WAC: variants seen among roughly 807,000 people sequenced by gnomAD.
The protein encoded by WAC is WW domain-containing adapter protein with coiled-coil.
A neutral mutation model predicts 79.6 loss-of-function variants in WAC; 11 were observed. The observed-to-expected ratio is 0.14, with a 90% CI of 0.09 to 0.23. WAC has a LOEUF of 0.23. WAC is among the 10% of genes least tolerant of loss of function. The probability of loss-of-function intolerance (pLI) is 1.00; values close to 1 mark genes in which losing one functional copy is unlikely to be tolerated. For missense variants in WAC, 728 were observed against 773.5 expected (o/e 0.94, Z 0.70); for synonymous variants, 304 against 276.9 (o/e 1.10, Z -0.97).
chr10:28,551,394 AT>A (rs1332659079), intron 3 of WAC, among the ~76,000 whole-genome samples: 19 of 152,346 alleles, frequency 1.2e-4, no homozygotes, highest in Admixed American at 7.2e-4. Flanking sequence ...GAGCTTGTGC[AT>A]TTTGACAGTA....
At chr10:28,533,648 G>A (rs1836408877) in intron 1 of WAC, 28 bp downstream of exon 1, 3 of 1,595,564 alleles carry the variant, frequency 1.9e-6, no homozygotes, top group Non-Finnish European at 2.6e-6. Context: ...TTCGGGCCGG[G>A]CGGCGGCGGG....
chr10:28,555,991 C>G (rs990371121), intron 3 of WAC, among the ~76,000 whole-genome samples: 2 of 152,122 alleles, frequency 1.3e-5, no homozygotes, highest in Admixed American at 6.5e-5. Context: ...GAATATTGGC[C>G]AGGGTGATTA....
intron 3 of WAC, among the ~76,000 whole-genome samples, chr10:28,576,369 C>CT (rs1380337100): frequency 6.6e-6 from 1 of 152,112 alleles, no homozygotes; most frequent in Non-Finnish European, 1.5e-5. Flanking sequence ...TAGCGTTTAT[C>CT]TCTGCCACTT....
intron 7 of WAC, among the ~76,000 whole-genome samples, chr10:28,602,683 A>G (rs974826591): frequency 5.9e-5 from 9 of 152,210 alleles, no homozygotes; most frequent in Non-Finnish European, 1.3e-4. Flanking sequence ...GATACCAGAA[A>G]AATATAGGTA....
At chr10:28,605,282 C>T (rs2132781413) in intron 7 of WAC, among the ~76,000 whole-genome samples, 1 of 152,308 alleles carries the variant, frequency 6.6e-6, no homozygotes, top group South Asian at 2.1e-4. Flanking sequence ...TTTGCATAAA[C>T]AGCAAGTAGT....
chr10:28,595,981 A>G lies in WAC; in HGVS notation c.859A>G (p.Thr287Ala), dbSNP rs760298165. The change falls in exon 7 of 14, where the codon ACT becomes GCT. Residue 287 changes from threonine (T) to alanine (A), a missense_variant. Thr to Ala is a moderately conservative substitution (Grantham distance 58). Around this residue, in one of 3 missense-constraint regions of WAC, gnomAD observed 648 missense variants for 661.5 expected, o/e 0.98. Transcript: ENST00000354911. ...KKSFDANGAS[T>A]LSKLPTPTSS... is the part of the protein sequence containing the mutation. ...ATCATTTGATGCTAATGGAGCATCT[A>G]CTTTATCAAAACTGCCTACACCCAC... 7 of 1,614,154 alleles carry G rather than the reference A, an allele frequency of 4.3e-6. No homozygotes were observed. Among genetic ancestry groups the G allele is most frequent in the East Asian group, 2.2e-5 (1 of 44,874 alleles).
chr10:28,553,397 A>G (rs1199150390), intron 3 of WAC, among the ~76,000 whole-genome samples: 3 of 152,208 alleles, frequency 2.0e-5, no homozygotes, highest in Non-Finnish European at 4.4e-5. Flanking sequence ...TGACTCTTGA[A>G]ATAGTAGATA....
At chr10:28,618,017 G>A (rs1254982570) in intron 13 of WAC, 1 of 317,672 alleles carries the variant, frequency 3.1e-6, no homozygotes, top group Non-Finnish European at 5.6e-6. Flanking sequence ...AACTCCATAA[G>A]CTGCAATAAT....
chr10:28,569,364 G>A (rs1838824450), intron 3 of WAC, among the ~76,000 whole-genome samples: 1 of 152,138 alleles, frequency 6.6e-6, no homozygotes, highest in Admixed American at 6.6e-5. Flanking sequence ...AGTTGTTAAT[G>A]CTTTGTTGGA....
rs1554780979 is a variant in WAC at position 28,559,136 on chromosome 10, A to ATTGTGTGTGTGTGTGTGTG, written c.274+23380_274+23381insTGTGTGTGTGTGTGTGTGT. 7.5e-5 allele frequency among the ~76,000 whole-genome samples: 11 copies of ATTGTGTGTGTGTGTGTGTG among 146,762 alleles called. No homozygotes were observed. In the East Asian group the frequency reaches 2.2e-3, roughly 30 times the overall value. On this transcript the variant is annotated intron_variant, in intron 3 of 13. Transcript: ENST00000354911. Reference sequence around the variant, plus strand: ...TAAATCTCTGCTCTCGAGAAACCTGATGTGTGTGTGTGTGTGTGTGTGTGT... The same window carrying ATTGTGTGTGTGTGTGTGTG: ...TAAATCTCTGCTCTCGAGAAACCTGATTGTGTGTGTGTGTGTGTGTGTGTGTGTGTGTGTGTGTGTGTGT...
In WAC at chr10:28,604,796, T is replaced by C. The variant is rs138946753; in HGVS notation, c.920-3390T>C. On this transcript the variant is annotated intron_variant, in intron 7 of 13. Transcript: ENST00000354911. ...AGTACAAAGGAGGGATAATAAATGT[T>C]ATGTAATAGAAGATACTGAGTAATA... is the stretch of plus-strand genomic sequence containing the variant. Among the ~76,000 whole-genome samples, 6 of 152,238 alleles carry C rather than the reference T, an allele frequency of 3.9e-5. No homozygotes were observed. In the East Asian group the frequency reaches 9.7e-4, roughly 25 times the overall value.
At chr10:28,576,588 A>G (rs1387085214) in intron 3 of WAC, among the ~76,000 whole-genome samples, 1 of 152,240 alleles carries the variant, frequency 6.6e-6, no homozygotes, top group East Asian at 1.9e-4. Flanking sequence ...TTTATACAGT[A>G]CAATTTGCAT....
chr10:28,573,234 T>C (rs1839069381), intron 3 of WAC, among the ~76,000 whole-genome samples: 1 of 152,260 alleles, frequency 6.6e-6, no homozygotes, highest in Non-Finnish European at 1.5e-5. Context: ...GAGATGAAAT[T>C]CACATAACAA....
chr10:28,568,413 C>T (rs1181050610), intron 3 of WAC, among the ~76,000 whole-genome samples: 1 of 152,094 alleles, frequency 6.6e-6, no homozygotes, highest in Non-Finnish European at 1.5e-5. Context: ...TGGAGTCTTG[C>T]ACTGTCAGCC....
intron 3 of WAC, among the ~76,000 whole-genome samples, chr10:28,537,038 A>G (rs1454448612): frequency 6.6e-6 from 1 of 152,240 alleles, no homozygotes; most frequent in Non-Finnish European, 1.5e-5. Context: ...GTGATCATAT[A>G]CTGAGAAACA....
intron 3 of WAC, among the ~76,000 whole-genome samples, chr10:28,573,684 G>GC (rs1282237723): frequency 6.6e-6 from 1 of 152,166 alleles, no homozygotes; most frequent in African/African-American, 2.4e-5. Context: ...ATAGTAGATT[G>GC]CTTTTTTTGG....
rs772226733 is a variant in WAC at position 28,622,628 on chromosome 10, C to T, written c.*3022C>T. On this transcript the variant is annotated 3_prime_UTR_variant, in exon 14 of 14. Coordinates refer to ENST00000354911, the MANE Select transcript of WAC (RefSeq NM_016628.5). ...TTCCAGACTAAAAACATGCTTCAGC[C>T]CTGTTTCAAGACATTATGCTTCTTT... The T allele has an allele frequency of 2.0e-5, 3 of 151,950 alleles. No individual in the cohort carries two copies. The highest frequency in any genetic ancestry group is 4.4e-5 in the Non-Finnish European group (3 of 67,996). 9.4% of individuals were successfully genotyped at this position (151,950 alleles called of 1,614,324 possible).
intron 3 of WAC, among the ~76,000 whole-genome samples, chr10:28,571,438 C>G (rs1838958295): frequency 6.6e-6 from 1 of 152,140 alleles, no homozygotes; most frequent in African/African-American, 2.4e-5. Flanking sequence ...GTACAGTAAC[C>G]GTGTTCCTGT....
At chr10:28,567,855 A>G (rs1322161795) in intron 3 of WAC, among the ~76,000 whole-genome samples, 1 of 152,024 alleles carries the variant, frequency 6.6e-6, no homozygotes, top group African/African-American at 2.4e-5. Flanking sequence ...CCTCAGCTTA[A>G]GTGATCCTCC....
Sources: allele counts gnomAD v4.1 joint callset (sites outside exome capture counted in the v4.1 genomes callset), GRCh38; gene constraint gnomAD v4.1.1; regional missense constraint gnomAD v4.1.1; transcripts MANE v1.5; gene names NCBI Gene and HGNC (gene_info 2026-07-23, HGNC 2026-07-21).